CSMD1: variants seen among roughly 807,000 people sequenced by gnomAD.
CSMD1 encodes CUB and Sushi multiple domains 1.
In CSMD1, 213 loss-of-function variants were observed where a neutral mutation model predicts 417.5. The observed-to-expected ratio is 0.51, with a 90% CI of 0.46 to 0.57. The LOEUF (loss-of-function observed/expected upper bound fraction) is 0.57, where lower values mean the gene tolerates loss of function less well. CSMD1 is among the 20% of genes least tolerant of loss of function. CSMD1 has a pLI of 0.00. For missense variants in CSMD1, 6,923 were observed against 4,529.7 expected (o/e 1.53, Z -15.17); for synonymous variants, 2,862 against 1,736.8 (o/e 1.65, Z -16.11).
At chr8:3,528,990 C>T (rs1004405764) in intron 10 of CSMD1, among the ~76,000 whole-genome samples, 2 of 152,144 alleles carry the variant, frequency 1.3e-5, no homozygotes, top group Non-Finnish European at 2.9e-5. Context: ...TTTATACTGA[C>T]ATATTTTCAG....
At chr8:4,330,168 G>A (rs1046204127) in intron 3 of CSMD1, among the ~76,000 whole-genome samples, 1 of 141,380 alleles carries the variant, frequency 7.1e-6, no homozygotes. Context: ...TATACAACAG[G>A]AACAGAGGTT....
At chr8:3,423,778 T>C (rs1299947782) in intron 12 of CSMD1, among the ~76,000 whole-genome samples, 2 of 152,212 alleles carry the variant, frequency 1.3e-5, no homozygotes, top group Non-Finnish European at 2.9e-5. Context: ...GATCACAGAA[T>C]AGGCACATAC....
intron 8 of CSMD1, among the ~76,000 whole-genome samples, chr8:3,592,133 T>C (rs113589397): frequency 1.2e-3 from 181 of 152,230 alleles, no homozygotes; most frequent in African/African-American, 4.2e-3. Flanking sequence ...GATAGATAGA[T>C]GAATGGATAG....
chr8:4,856,206 G>A (rs1436884059), intron 1 of CSMD1, among the ~76,000 whole-genome samples: 1 of 47,322 alleles, frequency 2.1e-5, no homozygotes, highest in Non-Finnish European at 5.9e-5. Context: ...TTGCAGACAA[G>A]CAAATGCTGA....
intron 2 of CSMD1, among the ~76,000 whole-genome samples, chr8:4,579,372 ATGTT>A (rs1288984034): frequency 1.3e-5 from 2 of 151,570 alleles, no homozygotes; most frequent in African/African-American, 4.8e-5. Flanking sequence ...GTGTTTGTGT[ATGTT>A]TGACAGAATT....
intron 5 of CSMD1, among the ~76,000 whole-genome samples, chr8:3,931,667 A>AAAAC (rs1016024039): frequency 1.1e-4 from 17 of 149,768 alleles, no homozygotes; most frequent in Admixed American, 4.7e-4. Flanking sequence ...ATAGTTCTAA[A>AAAAC]AAACAAACAA....
intron 3 of CSMD1, among the ~76,000 whole-genome samples, chr8:4,373,143 C>A (rs923536185): frequency 2.0e-5 from 3 of 152,124 alleles, no homozygotes; most frequent in Admixed American, 2.0e-4. Context: ...AGACACCTCC[C>A]TAGGGAGGAG....
At chr8:3,263,432 T>C (rs1014641167) in intron 26 of CSMD1, among the ~76,000 whole-genome samples, 1 of 152,150 alleles carries the variant, frequency 6.6e-6, no homozygotes, top group African/African-American at 2.4e-5. Context: ...GTATTCTAAT[T>C]CCCCTATGTA....
intron 42 of CSMD1, among the ~76,000 whole-genome samples, chr8:3,116,224 C>G (rs932604786): frequency 2.0e-5 from 3 of 152,132 alleles, no homozygotes; most frequent in African/African-American, 7.2e-5. Context: ...TATAGGTCCT[C>G]TAATTGTTTT....
At chr8:4,149,479 G>A (rs1356575414) in intron 3 of CSMD1, among the ~76,000 whole-genome samples, 1 of 152,120 alleles carries the variant, frequency 6.6e-6, no homozygotes, top group African/African-American at 2.4e-5. Flanking sequence ...ATATTTGAAG[G>A]ATTACTCTAT....
At chr8:4,749,868 A>G (rs1437437885) in intron 1 of CSMD1, among the ~76,000 whole-genome samples, 1 of 152,162 alleles carries the variant, frequency 6.6e-6, no homozygotes, top group East Asian at 1.9e-4. Flanking sequence ...CGGCAAAAAG[A>G]GAAATGCAAC....
chr8:4,553,827 A>G (rs1373350005), intron 2 of CSMD1, among the ~76,000 whole-genome samples: 3 of 152,222 alleles, frequency 2.0e-5, no homozygotes, highest in East Asian at 1.9e-4. Context: ...TACAAGGGAC[A>G]TGATTGGGTT....
intron 3 of CSMD1, among the ~76,000 whole-genome samples, chr8:4,155,759 C>T (rs1431354578): frequency 6.6e-6 from 1 of 152,112 alleles, no homozygotes; most frequent in Non-Finnish European, 1.5e-5. Context: ...GTCATTGATC[C>T]CCGGATCTTT....
At chr8:3,976,687 T>C (rs1010073577) in intron 5 of CSMD1, among the ~76,000 whole-genome samples, 1 of 152,180 alleles carries the variant, frequency 6.6e-6, no homozygotes, top group African/African-American at 2.4e-5. Context: ...TATTCTAAGA[T>C]ATTTTACTTA....
chr8:3,248,579 G>C (rs1417474677), intron 26 of CSMD1, among the ~76,000 whole-genome samples: 7 of 129,404 alleles, frequency 5.4e-5, no homozygotes, highest in African/African-American at 1.7e-4. Context: ...GCCCAGCCTG[G>C]AGTACAGTGG....
At chr8:4,742,448 G>C (rs950822317) in intron 1 of CSMD1, among the ~76,000 whole-genome samples, 2 of 151,892 alleles carry the variant, frequency 1.3e-5, no homozygotes, top group African/African-American at 4.8e-5. Context: ...TAAGATTAGA[G>C]GTATTTGGTG....
intron 26 of CSMD1, among the ~76,000 whole-genome samples, chr8:3,249,131 G>C (rs1450193081): frequency 1.3e-5 from 2 of 152,086 alleles, no homozygotes. Flanking sequence ...TTGGCCCCTA[G>C]CAGGTATTAA....
At chr8:3,514,639 T>A (rs1273468129) in intron 10 of CSMD1, among the ~76,000 whole-genome samples, 1 of 152,244 alleles carries the variant, frequency 6.6e-6, no homozygotes, top group Non-Finnish European at 1.5e-5. Flanking sequence ...GCTAGTCATA[T>A]ATAACCCAGG....
chr8:3,473,744 C>G (rs1817241696), intron 11 of CSMD1, among the ~76,000 whole-genome samples: 1 of 152,096 alleles, frequency 6.6e-6, no homozygotes, highest in East Asian at 1.9e-4. Flanking sequence ...GGGGTGGTGT[C>G]TGTATGGGTG....
Sources: gnomAD v4.1 joint callset for allele counts (sites outside exome capture counted in the v4.1 genomes callset) on GRCh38, gnomAD v4.1.1 for gene constraint, MANE v1.5 for transcripts, NCBI Gene and HGNC (gene_info 2026-07-23, HGNC 2026-07-21) for gene names.